Variants in PCDH15 observed in about 807,000 individuals in gnomAD.
The protein encoded by PCDH15 is protocadherin-15.
A neutral mutation model predicts 178.5 loss-of-function variants in PCDH15; 129 were observed. That is an observed-to-expected ratio of 0.72 (90% CI 0.63 to 0.84). PCDH15 has a LOEUF of 0.84. Ranked by LOEUF, PCDH15 falls within the 40% of genes least tolerant of loss-of-function variation. PCDH15 has a pLI of 0.00. For synonymous variants in PCDH15, 800 were observed against 732.0 expected, an observed-to-expected ratio of 1.09 and a Z score of -1.50; for missense variants, 2,230 against 2,099.9, an observed-to-expected ratio of 1.06 and a Z score of -1.21.
chr10:55,541,069 T>C (rs1841749204), intron 2 of PCDH15, among the ~76,000 whole-genome samples: 1 of 152,044 alleles, frequency 6.6e-6, no homozygotes, highest in East Asian at 1.9e-4. Context: ...AGAGAATGGG[T>C]GCCTGATAAA....
At chr10:54,248,721 A>G (rs2056216351) in intron 8 of PCDH15, among the ~76,000 whole-genome samples, 1 of 152,096 alleles carries the variant, frequency 6.6e-6, no homozygotes, top group Non-Finnish European at 1.5e-5. Flanking sequence ...TGATAAAAAA[A>G]TTCATGCTGT....
At chr10:55,282,423 T>C (rs1187523672) in intron 1 of PCDH15, among the ~76,000 whole-genome samples, 1 of 152,188 alleles carries the variant, frequency 6.6e-6, no homozygotes, top group Non-Finnish European at 1.5e-5. Context: ...TTTTACACTG[T>C]TATTACACTA....
chr10:55,078,835 T>G (rs552580168), intron 2 of PCDH15, among the ~76,000 whole-genome samples: 1 of 152,054 alleles, frequency 6.6e-6, no homozygotes, highest in Non-Finnish European at 1.5e-5. Flanking sequence ...CTTTGTGTTC[T>G]CATAGCTTAG....
At chr10:54,922,078 C>G (rs1219911420) in intron 2 of PCDH15, among the ~76,000 whole-genome samples, 2 of 152,166 alleles carry the variant, frequency 1.3e-5, no homozygotes, top group African/African-American at 2.4e-5. Context: ...ACAGGTATTA[C>G]AATTCAACAT....
intron 2 of PCDH15, among the ~76,000 whole-genome samples, chr10:54,996,550 C>T (rs760923274): frequency 2.0e-5 from 3 of 152,062 alleles, no homozygotes; most frequent in Admixed American, 6.6e-5. Context: ...CTTTGGGGTG[C>T]CTTCTTCATG....
At chr10:55,499,578 T>G (rs1840610345) in intron 2 of PCDH15, among the ~76,000 whole-genome samples, 1 of 151,754 alleles carries the variant, frequency 6.6e-6, no homozygotes, top group Non-Finnish European at 1.5e-5. Context: ...TATACAATTT[T>G]TTTAATTGTC....
chr10:54,072,429 G>A (rs2094262682), intron 17 of PCDH15, among the ~76,000 whole-genome samples: 1 of 152,026 alleles, frequency 6.6e-6, no homozygotes, highest in African/African-American at 2.4e-5. Context: ...AGATTAGCCA[G>A]GAGGCTTTCT....
intron 2 of PCDH15, among the ~76,000 whole-genome samples, chr10:55,525,259 A>C (rs978072004): frequency 2.0e-5 from 3 of 152,020 alleles, no homozygotes; most frequent in Admixed American, 1.3e-4. Flanking sequence ...GAATATTGTA[A>C]ATATCTCAGA....
At chr10:55,087,392 A>G (rs1842198707) in intron 2 of PCDH15, among the ~76,000 whole-genome samples, 2 of 152,238 alleles carry the variant, frequency 1.3e-5, no homozygotes, top group Non-Finnish European at 2.9e-5. Context: ...ATAAGGAAAC[A>G]TAACTATGAA....
At chr10:54,923,653 T>C (rs1564633147) in intron 2 of PCDH15, among the ~76,000 whole-genome samples, 1 of 137,974 alleles carries the variant, frequency 7.2e-6, no homozygotes, top group East Asian at 2.0e-4. Context: ...AGTTCAAAGT[T>C]CCACAAATCC....
chr10:55,068,313 G>T (rs1360771283), intron 2 of PCDH15, among the ~76,000 whole-genome samples: 1 of 151,902 alleles, frequency 6.6e-6, no homozygotes, highest in Non-Finnish European at 1.5e-5. Flanking sequence ...TTATTCTTCT[G>T]CATGTAGTTA....
Position 53,967,359 on chromosome 10 carries a change from G to A in PCDH15, c.2869-5467C>T, listed in dbSNP as rs545105463. On this transcript the variant is annotated intron_variant, in intron 21 of 37. Transcript: ENST00000644397. The stretch of plus-strand genomic sequence containing the variant: ...TTCCTTTATTAACTACCCAGTCTTG[G>A]ACAGTTCTTTATAGCCATGTGAGAA... Among the ~76,000 whole-genome samples, 175 of 152,256 alleles carry A rather than the reference G, an allele frequency of 1.1e-3. 1 individual carries two copies. Among genetic ancestry groups the A allele is most frequent in the African/African-American group, 4.0e-3 (168 of 41,522 alleles).
rs552308265 is a variant in PCDH15, at chr10:55,132,460, A to C, written c.-80+34116T>G. Among the ~76,000 whole-genome samples the C allele has an allele frequency of 1.8e-3, 281 of 152,314 alleles. 4 individuals carry two copies. Among genetic ancestry groups the C allele is most frequent in the African/African-American group, 6.7e-3 (277 of 41,572 alleles). On this transcript the variant is annotated intron_variant, in intron 2 of 5. Transcript: ENST00000458638. ...GCATTTGGGGTTTTAAAAGAAATAA[A>C]AAGCACGTGCTTCCCACTGATTAAT...
intron 1 of PCDH15, among the ~76,000 whole-genome samples, chr10:55,193,646 G>A (rs909931105): frequency 1.3e-5 from 2 of 151,856 alleles, no homozygotes; most frequent in African/African-American, 2.4e-5. Context: ...CATATGCTAA[G>A]TTACATTTAA....
At chr10:54,502,280 A>C (rs1471665964) in intron 3 of PCDH15, among the ~76,000 whole-genome samples, 1 of 152,162 alleles carries the variant, frequency 6.6e-6, no homozygotes, top group East Asian at 1.9e-4. Context: ...AATGCTTGGC[A>C]CATAAAGAGA....
chr10:55,144,538 G>A (rs1314523964), intron 2 of PCDH15, among the ~76,000 whole-genome samples: 2 of 152,104 alleles, frequency 1.3e-5, no homozygotes, highest in Non-Finnish European at 2.9e-5. Flanking sequence ...AAAGAGGATT[G>A]ATGCAGACAT....
chr10:54,128,780 T>C (rs937461323), intron 15 of PCDH15, among the ~76,000 whole-genome samples: 1 of 152,188 alleles, frequency 6.6e-6, no homozygotes, highest in Admixed American at 6.6e-5. Context: ...TTCTATTCTA[T>C]AATCTCCAAG....
intron 8 of PCDH15, among the ~76,000 whole-genome samples, chr10:54,248,450 C>A (rs948224455): frequency 6.6e-6 from 1 of 151,722 alleles, no homozygotes; most frequent in Admixed American, 6.6e-5. Context: ...AAATTCATTC[C>A]CTACATTTTT....
At chr10:54,335,659 C>A (rs546788440) in intron 6 of PCDH15, among the ~76,000 whole-genome samples, 5 of 152,056 alleles carry the variant, frequency 3.3e-5, no homozygotes, top group Admixed American at 3.3e-4. Context: ...TGCCTCCCAC[C>A]AAGATTGTGA....
Sources: allele counts gnomAD v4.1 joint callset (sites outside exome capture counted in the v4.1 genomes callset), GRCh38; gene constraint gnomAD v4.1.1; transcripts MANE v1.5; gene names NCBI Gene and HGNC (gene_info 2026-07-23, HGNC 2026-07-21).